Variants in SPAG9 observed in about 807,000 individuals in gnomAD.
SPAG9 encodes the protein C-Jun-amino-terminal kinase-interacting protein 4.
In SPAG9, 35 loss-of-function variants were observed where a neutral mutation model predicts 166.5. The observed-to-expected ratio is 0.21, with a 90% CI of 0.16 to 0.28. The LOEUF is 0.28. Among genes scored for constraint, SPAG9 ranks in the 10% least tolerant of loss-of-function variants. The probability of loss-of-function intolerance (pLI) is 1.00; values close to 1 mark genes in which losing one functional copy is unlikely to be tolerated. For synonymous variants in SPAG9, 534 were observed against 565.5 expected (o/e 0.94, Z 0.79); for missense variants, 1,235 against 1,603.3 (o/e 0.77, Z 3.92).
chr17:51,006,267 T>C (rs762312960), intron 10 of SPAG9, 30 bp from the exon 11 acceptor site: 1 of 1,599,080 alleles, frequency 6.3e-7, no homozygotes. Context: ...AGTGCATCAT[T>C]ACAAATAAAT....
chr17:51,045,283 T>C (rs970934739), intron 4 of SPAG9, among the ~76,000 whole-genome samples: 2 of 152,246 alleles, frequency 1.3e-5, no homozygotes, highest in African/African-American at 4.8e-5. Context: ...ATTAGTCTTA[T>C]ATTAATATTC....
At chr17:51,077,630 C>CA in intron 2 of SPAG9, among the ~76,000 whole-genome samples, 1 of 152,114 alleles carries the variant, frequency 6.6e-6, no homozygotes, top group South Asian at 2.1e-4. Flanking sequence ...TGGAGTCCAT[C>CA]ATGCAGTCCT....
intron 21 of SPAG9, 107 bp from the exon 22 acceptor site, chr17:50,987,344 T>A (rs1975128523): frequency 9.5e-7 from 1 of 1,049,542 alleles, no homozygotes; most frequent in South Asian, 1.8e-5. Flanking sequence ...TGTTTATTAT[T>A]TATTTATTTT....
At chr17:51,080,743 T>C (rs901893424) in intron 1 of SPAG9, among the ~76,000 whole-genome samples, 1 of 151,938 alleles carries the variant, frequency 6.6e-6, no homozygotes, top group Non-Finnish European at 1.5e-5. Context: ...TAGCTGGGCA[T>C]GGTGGCACGT....
rs903831746 is a variant in SPAG9 at position 50,964,321 on chromosome 17, C to T, written c.*1951G>A. On this transcript the variant is annotated 3_prime_UTR_variant, in exon 30 of 30. Coordinates refer to ENST00000262013, the MANE Select transcript of SPAG9 (RefSeq NM_001130528.3). The stretch of plus-strand genomic sequence containing the variant: ...GCTTTGCTTCGGACCGGCGCGGGGG[C>T]TCACGCCTGTAATTCAAGCACTTCG... 6.6e-6 allele frequency: 1 copy of T among 152,342 alleles called. No homozygotes were observed. Among genetic ancestry groups the T allele is most frequent in the Admixed American group, 6.5e-5 (1 of 15,286 alleles). The allele number at this position is 152,342 out of a possible 1,614,324, so 9.4% of individuals were successfully genotyped here. A position where few individuals can be genotyped will look rare whatever the true frequency, so the allele number is the denominator to read the frequency against.
chr17:51,017,875 T>G (rs1397903678), intron 8 of SPAG9, among the ~76,000 whole-genome samples: 1 of 152,152 alleles, frequency 6.6e-6, no homozygotes, highest in African/African-American at 2.4e-5. Flanking sequence ...TTTGAACCCA[T>G]GCAGTCTTAC....
chr17:51,061,964 G>A (rs2047531160), intron 2 of SPAG9, among the ~76,000 whole-genome samples: 1 of 152,092 alleles, frequency 6.6e-6, no homozygotes, highest in Admixed American at 6.6e-5. Flanking sequence ...TTCAAAAGGT[G>A]AAATGGTTAT....
At chr17:50,988,958 T>C (rs1355914115) in intron 21 of SPAG9, among the ~76,000 whole-genome samples, 1 of 152,136 alleles carries the variant, frequency 6.6e-6, no homozygotes, top group Non-Finnish European at 1.5e-5. Flanking sequence ...ATGGCCAATT[T>C]TGCTGATAAC....
chr17:51,095,725 T>C (rs1430620567), intron 1 of SPAG9, among the ~76,000 whole-genome samples: 2 of 147,956 alleles, frequency 1.4e-5, no homozygotes, highest in African/African-American at 4.9e-5. Context: ...TATATACATA[T>C]AGTGATATAT....
intron 1 of SPAG9, among the ~76,000 whole-genome samples, chr17:51,089,455 G>C (rs1338071668): frequency 6.7e-6 from 1 of 150,166 alleles, no homozygotes; most frequent in Non-Finnish European, 1.5e-5. Context: ...AAACAAAAAA[G>C]AAGTCGACAG....
intron 6 of SPAG9, among the ~76,000 whole-genome samples, chr17:51,022,629 CACT>C: frequency 7.0e-6 from 1 of 142,122 alleles, no homozygotes; most frequent in South Asian, 2.2e-4. Flanking sequence ...CAGCCACCAC[CACT>C]AATAATAATA....
chr17:51,034,995 C>A (rs2144329631), intron 5 of SPAG9, among the ~76,000 whole-genome samples: 1 of 152,336 alleles, frequency 6.6e-6, no homozygotes, highest in South Asian at 2.1e-4. Context: ...ACTGGGAACA[C>A]TGGCGAGACA....
At chr17:51,005,072 T>C (rs2045145289) in intron 12 of SPAG9, 140 bp downstream of exon 12, 2 of 687,888 alleles carry the variant, frequency 2.9e-6, no homozygotes, top group East Asian at 2.7e-5. Context: ...AAGCATGAGC[T>C]ATCCTATTCA....
At chr17:51,066,684 G>A (rs1360633346) in intron 2 of SPAG9, among the ~76,000 whole-genome samples, 5 of 151,084 alleles carry the variant, frequency 3.3e-5, no homozygotes, top group African/African-American at 9.7e-5. Flanking sequence ...GTGAAACCCC[G>A]AGATCAAGAC....
chr17:50,967,048 C>T (rs1973410356), intron 29 of SPAG9, among the ~76,000 whole-genome samples: 2 of 152,224 alleles, frequency 1.3e-5, no homozygotes, highest in Admixed American at 1.3e-4. Flanking sequence ...GGTTCTTCTG[C>T]ATCACGGCTA....
chr17:51,037,243 A>G (rs2046623017), intron 5 of SPAG9, among the ~76,000 whole-genome samples: 1 of 152,134 alleles, frequency 6.6e-6, no homozygotes, highest in Admixed American at 6.6e-5. Flanking sequence ...AGCAGTGACT[A>G]GAGGCGCACA....
At chr17:51,044,170 G>A (rs1007592276) in intron 4 of SPAG9, among the ~76,000 whole-genome samples, 6 of 152,238 alleles carry the variant, frequency 3.9e-5, no homozygotes, top group African/African-American at 1.4e-4. Flanking sequence ...ATACAGTTGG[G>A]GTAAGGGAGA....
intron 12 of SPAG9, among the ~76,000 whole-genome samples, chr17:51,003,070 C>T (rs1194717849): frequency 3.3e-5 from 5 of 150,950 alleles, no homozygotes; most frequent in African/African-American, 1.2e-4. Context: ...CCTGGCTCTA[C>T]AAAAAATAAA....
At chr17:50,993,651 G>T (rs1975808172) in intron 19 of SPAG9, 113 bp downstream of exon 19, 1 of 982,830 alleles carries the variant, frequency 1.0e-6, no homozygotes, top group African/African-American at 1.6e-5. Flanking sequence ...TCCCTAACTA[G>T]AACATAAGCT....
Sources: allele counts gnomAD v4.1 joint callset (sites outside exome capture counted in the v4.1 genomes callset), GRCh38; gene constraint gnomAD v4.1.1; transcripts MANE v1.5; gene names NCBI Gene and HGNC (gene_info 2026-07-23, HGNC 2026-07-21).